Variants in MFAP3L observed in about 807,000 individuals in gnomAD.
MFAP3L encodes microfibril associated protein 3 like.
MFAP3L carries 5 observed loss-of-function variants against 20.0 expected under a neutral mutation model. The ratio of observed to expected loss-of-function variants is 0.25; its 90% CI spans 0.13 to 0.53. The LOEUF (loss-of-function observed/expected upper bound fraction) is 0.53, where lower values mean the gene tolerates loss of function less well. Ranked by LOEUF, MFAP3L falls within the 20% of genes least tolerant of loss-of-function variation. The probability of loss-of-function intolerance (pLI) is 0.96; values close to 1 mark genes in which losing one functional copy is unlikely to be tolerated. For synonymous variants in MFAP3L, 219 were observed against 213.0 expected, an observed-to-expected ratio of 1.03 and a Z score of -0.25; for missense variants, 409 against 527.5, an observed-to-expected ratio of 0.78 and a Z score of 2.20.
chr4:170,012,859 A>G (rs1739469113), intron 1 of MFAP3L, among the ~76,000 whole-genome samples: 1 of 152,240 alleles, frequency 6.6e-6, no homozygotes, highest in Admixed American at 6.5e-5. Flanking sequence ...AACAGCCACC[A>G]GATGAGCTGT....
Position 170,005,325 on chromosome 4 carries a change from A to G in MFAP3L, c.298+255T>C, listed in dbSNP as rs139064094. ...TTTGTCTCTATAATGTATTGGATGT[A>G]TTATATTACAAAATTCCAAGAAGCC... On this transcript the variant is annotated intron_variant, in intron 2 of 2. Coordinates refer to ENST00000361618, the MANE Select transcript of MFAP3L (RefSeq NM_021647.8). The G allele has an allele frequency of 2.3e-5, 13 of 555,614 alleles. No individual in the cohort carries two copies. The East Asian group carries it at 3.7e-4, about 16-fold the overall frequency. The allele number at this position is 555,614 out of a possible 1,614,324, so 34.4% of individuals were successfully genotyped here. A position where few individuals can be genotyped will look rare whatever the true frequency, so the allele number is the denominator to read the frequency against.
At chr4:170,007,610 T>C (rs1739127467) in intron 1 of MFAP3L, among the ~76,000 whole-genome samples, 1 of 152,220 alleles carries the variant, frequency 6.6e-6, no homozygotes, top group Non-Finnish European at 1.5e-5. Context: ...GCTTCTCCAA[T>C]CTATTTTTAT....
intron 1 of MFAP3L, among the ~76,000 whole-genome samples, chr4:170,025,684 C>T (rs866726705): frequency 2.6e-5 from 4 of 152,142 alleles, no homozygotes; most frequent in Admixed American, 1.3e-4. Context: ...GAGTCAAATG[C>T]GACAAACTCC....
Position 169,992,778 on chromosome 4 carries a change from T to C in MFAP3L, c.299-469A>G, listed in dbSNP as rs1051864307. ...TAACCTGCCAGTGAGCATGCCTCCA[T>C]TGAATATATGTTCACTGGGGAGGTT... On this transcript the variant is annotated intron_variant, in intron 2 of 2. Transcript: ENST00000361618. This position sits in a 1 kb window ranked among gnomAD's most constrained non-coding sequence, Gnocchi z 4.3. Among the ~76,000 whole-genome samples the C allele has an allele frequency of 3.9e-5, 6 of 152,252 alleles. No individual in the cohort carries two copies. Among genetic ancestry groups the C allele is most frequent in the African/African-American group, 7.2e-5 (3 of 41,474 alleles).
At chr4:170,014,754 C>T (rs569416954) in intron 1 of MFAP3L, among the ~76,000 whole-genome samples, 2 of 152,322 alleles carry the variant, frequency 1.3e-5, no homozygotes, top group South Asian at 2.1e-4. Flanking sequence ...TCAATTCCTA[C>T]CTCTCCCTCA....
chr4:170,001,016 C>T (rs1487014938), intron 2 of MFAP3L, among the ~76,000 whole-genome samples: 1 of 152,194 alleles, frequency 6.6e-6, no homozygotes, highest in East Asian at 1.9e-4. Flanking sequence ...AGCCACTGCA[C>T]ATGGCCTTGA....
Position 169,991,688 on chromosome 4 carries a change from G to A in MFAP3L, c.920C>T (p.Ser307Leu), listed in dbSNP as rs138731776. 6 of 1,614,054 alleles carry A rather than the reference G, an allele frequency of 3.7e-6. No homozygotes were observed. The African/African-American group carries it at 4.0e-5, about 11-fold the overall frequency. The change falls in exon 3 of 3, where the codon TCG becomes TTG. Residue 307 changes from serine (S) to leucine (L), a missense_variant. Around this residue, in one of 3 missense-constraint regions of MFAP3L, gnomAD observed 169 missense variants for 178.2 expected, o/e 0.95. Transcript: ENST00000361618. This position sits in a 1 kb window ranked among gnomAD's most constrained non-coding sequence, Gnocchi z 4.9. The part of the protein sequence containing the change: ...DSPAADSDAS[S>L]LHEQPQQIAI... ...AATTTGCTGAGGTTGCTCGTGCAGC[G>A]ATGAGGCGTCCGAGTCAGCGGCAGG...
intron 2 of MFAP3L, among the ~76,000 whole-genome samples, chr4:169,998,697 C>A (rs2110956791): frequency 6.6e-6 from 1 of 152,216 alleles, no homozygotes; most frequent in South Asian, 2.1e-4. Context: ...GTCTACATTC[C>A]CAATGAGTGG....
At chr4:170,000,098 T>A (rs1581473349) in intron 2 of MFAP3L, among the ~76,000 whole-genome samples, 1 of 152,272 alleles carries the variant, frequency 6.6e-6, no homozygotes, top group South Asian at 2.1e-4. Context: ...AATGCAAAAT[T>A]CATCTGGTGC....
intron 1 of MFAP3L, among the ~76,000 whole-genome samples, chr4:170,020,207 C>T (rs978043220): frequency 9.9e-5 from 15 of 152,186 alleles, no homozygotes; most frequent in East Asian, 3.8e-4. Context: ...CCACTATCCT[C>T]GAGACAGGTG....
chr4:170,024,815 G>C (rs1467480831), intron 1 of MFAP3L, among the ~76,000 whole-genome samples: 1 of 152,176 alleles, frequency 6.6e-6, no homozygotes, highest in African/African-American at 2.4e-5. Flanking sequence ...TCCAGAATTA[G>C]AGCTGGAGCC....
intron 1 of MFAP3L, among the ~76,000 whole-genome samples, chr4:170,020,813 A>C (rs984785471): frequency 2.0e-5 from 3 of 152,034 alleles, no homozygotes; most frequent in African/African-American, 7.2e-5. Flanking sequence ...AAAGCCCTCC[A>C]AGACTCCCAA....
At chr4:170,012,816 T>A (rs1739466341) in intron 1 of MFAP3L, among the ~76,000 whole-genome samples, 1 of 152,226 alleles carries the variant, frequency 6.6e-6, no homozygotes, top group Non-Finnish European at 1.5e-5. Flanking sequence ...TGGGTAGAAC[T>A]AAATATACAC....
Position 169,991,891 on chromosome 4 carries a change from C to T in MFAP3L, c.717G>A (p.Arg239=), listed in dbSNP as rs778680999. ...EFARYIEELA[R]SVPLPPLIMN... ...TAATGAGAGGCGGCAGAGGCACGCTCCTGGCAAGCTCTTCGATGTAGCGGG... is the reference window on the plus strand; with the variant it reads ...TAATGAGAGGCGGCAGAGGCACGCTTCTGGCAAGCTCTTCGATGTAGCGGG... The change falls in exon 3 of 3, where the codon AGG becomes AGA. Residue 239 remains arginine (R), a synonymous_variant. Coordinates refer to ENST00000361618, the MANE Select transcript of MFAP3L (RefSeq NM_021647.8). The surrounding 1 kb of genome is among the most constrained non-coding windows in gnomAD (Gnocchi z 4.9). 1 of 1,614,116 alleles carries T rather than the reference C, an allele frequency of 6.2e-7. No homozygotes were observed. The highest frequency in any genetic ancestry group is 8.5e-7 in the Non-Finnish European group (1 of 1,180,022).
At position 169,991,386 on chromosome 4, in the gene MFAP3L, G is replaced by A. The variant is rs781284115; in HGVS notation, c.1222C>T (p.His408Tyr). Reference sequence around the variant, plus strand: ...GCTTTTCGGGGTTGGTATTAGACATGGCTTTCGTAAATAATGCAGGTGTTT... The same window carrying A: ...GCTTTTCGGGGTTGGTATTAGACATAGCTTTCGTAAATAATGCAGGTGTTT... ...DKNTCIIYES[H>Y]V Residue 408 changes from histidine to tyrosine, a missense_variant, in exon 3 of 3, where the codon CAT becomes TAT. Transcript: ENST00000361618. This position sits in a 1 kb window ranked among gnomAD's most constrained non-coding sequence, Gnocchi z 4.9. 1 of 1,613,402 alleles carries A rather than the reference G, an allele frequency of 6.2e-7. No individual in the cohort carries two copies. Among genetic ancestry groups the A allele is most frequent in the South Asian group, 1.1e-5 (1 of 91,004 alleles).
At chr4:170,013,395 A>G (rs778722041) in intron 1 of MFAP3L, among the ~76,000 whole-genome samples, 1 of 152,204 alleles carries the variant, frequency 6.6e-6, no homozygotes, top group Non-Finnish European at 1.5e-5. Flanking sequence ...GGAAAAAATT[A>G]CATTAAAGGT....
intron 1 of MFAP3L, among the ~76,000 whole-genome samples, chr4:170,012,052 C>G (rs6842442): frequency 6.6e-6 from 1 of 151,886 alleles, no homozygotes; most frequent in Admixed American, 6.6e-5. Flanking sequence ...TAGTATGCAA[C>G]GCCAAGGATG....
At chr4:170,003,561 G>T in intron 2 of MFAP3L, 1 of 445,120 alleles carries the variant, frequency 2.2e-6, no homozygotes, top group Non-Finnish European at 3.0e-6. Context: ...TCCTCGAAAT[G>T]TTGGAACTGA....
intron 1 of MFAP3L, among the ~76,000 whole-genome samples, chr4:170,013,268 A>G (rs1350519232): frequency 6.6e-6 from 1 of 152,178 alleles, no homozygotes; most frequent in East Asian, 1.9e-4. Flanking sequence ...GATACTGTTG[A>G]TATCCTACTA....
Sources: gnomAD v4.1 joint callset for allele counts (sites outside exome capture counted in the v4.1 genomes callset) on GRCh38, gnomAD v4.1.1 for gene constraint, gnomAD v4.1.1 regional missense constraint, Gnocchi (gnomAD v3.1) non-coding constraint, MANE v1.5 for transcripts, NCBI Gene and HGNC (gene_info 2026-07-23, HGNC 2026-07-21) for gene names.